THEM4: variants seen among roughly 807,000 people sequenced by gnomAD.
The protein encoded by THEM4 is thioesterase superfamily member 4.
THEM4 carries 22 observed loss-of-function variants against 25.0 expected under a neutral mutation model. That is an observed-to-expected ratio of 0.88 (90% CI 0.63 to 1.26). The LOEUF (loss-of-function observed/expected upper bound fraction) is 1.26, where lower values mean the gene tolerates loss of function less well. Among genes scored for constraint, THEM4 ranks in the 50% most tolerant of loss-of-function variants. The pLI, the probability that THEM4 is intolerant of heterozygous loss-of-function variation, is 0.00. For synonymous variants in THEM4, 113 were observed against 105.6 expected (o/e 1.07, Z -0.43); for missense variants, 286 against 300.3 (o/e 0.95, Z 0.35).
intron 4 of THEM4, among the ~76,000 whole-genome samples, chr1:151,882,298 C>A (rs568253072): frequency 1.3e-5 from 2 of 149,324 alleles, no homozygotes; most frequent in African/African-American, 5.0e-5. Flanking sequence ...ATCGCTTGAA[C>A]GCAGGAGGCG....
chr1:151,884,270 T>C (rs1387733532), intron 4 of THEM4, among the ~76,000 whole-genome samples: 1 of 152,148 alleles, frequency 6.6e-6, no homozygotes, highest in Admixed American at 6.5e-5. Context: ...GCCTAGGGAT[T>C]GTCATTTTCC....
rs1326398301 is a variant in THEM4 at position 151,871,117 on chromosome 1, G to A, written c.*3771C>T. Among the ~76,000 whole-genome samples the A allele has an allele frequency of 6.6e-6, 1 of 152,074 alleles. No individual in the cohort carries two copies. Among genetic ancestry groups the A allele is most frequent in the Non-Finnish European group, 1.5e-5 (1 of 68,018 alleles). On this transcript the variant is annotated 3_prime_UTR_variant, in exon 6 of 6. Coordinates refer to ENST00000368814, the MANE Select transcript of THEM4 (RefSeq NM_053055.5). ...AGGTGGGCAGATCACTTGAGCCCAG[G>A]AGTTTGAGACCAGACTGGGCAACAT...
chr1:151,909,425 G>A lies in THEM4; in HGVS notation c.34C>T (p.Leu12=), dbSNP rs753653263. 1.1e-4 allele frequency: 162 copies of A among 1,472,110 alleles called. No homozygotes were observed. Among genetic ancestry groups the A allele is most frequent in the Non-Finnish European group, 1.4e-4 (157 of 1,120,044 alleles). The allele number at this position is 1,472,110 out of a possible 1,614,324, so 91.2% of individuals were successfully genotyped here. ...ACTGGCGGCAGGCACAGAGCCCCCA[G>A]CGTGCGGAGGCGCGCGGCGCAGCTC... The part of the protein sequence containing the change: ...LRSCAARLRT[L]GALCLPPVGR... Residue 12 remains leucine (L), a synonymous_variant, in exon 1 of 6, where the codon CTG becomes TTG. Transcript: ENST00000368814.
chr1:151,896,387 C>A (rs1229988444), intron 1 of THEM4, among the ~76,000 whole-genome samples: 1 of 152,166 alleles, frequency 6.6e-6, no homozygotes, highest in Non-Finnish European at 1.5e-5. Flanking sequence ...AATTAAACTT[C>A]TTTTCTTTAT....
intron 4 of THEM4, among the ~76,000 whole-genome samples, chr1:151,879,248 G>A (rs894177173): frequency 1.1e-4 from 16 of 152,068 alleles, no homozygotes; most frequent in African/African-American, 3.6e-4. Flanking sequence ...ACTCTGAAAC[G>A]AGACTGGGTC....
At chr1:151,885,509 CTTA>C (rs1318137799) in intron 4 of THEM4, among the ~76,000 whole-genome samples, 2 of 152,182 alleles carry the variant, frequency 1.3e-5, no homozygotes. Context: ...AGGTCTAAAT[CTTA>C]TTTATTGTTT....
chr1:151,872,991 C>CT lies in THEM4; in HGVS notation c.*1896dup, dbSNP rs1425018329. On this transcript the variant is annotated 3_prime_UTR_variant, in exon 6 of 6. Coordinates refer to ENST00000368814, the MANE Select transcript of THEM4 (RefSeq NM_053055.5). Reference sequence around the variant, plus strand: ...CTTGTGGTTGAGATGAGGAAGGCCTCTGTCTCCTGCATGCCCCTGGGAACA... The same window carrying CT: ...CTTGTGGTTGAGATGAGGAAGGCCTCTTGTCTCCTGCATGCCCCTGGGAACA... 6.6e-6 allele frequency among the ~76,000 whole-genome samples: 1 copy of CT among 152,118 alleles called. No individual in the cohort carries two copies.
chr1:151,891,186 AG>A (rs1160500762), intron 2 of THEM4: 5 of 152,226 alleles, frequency 3.3e-5, no homozygotes, highest in Non-Finnish European at 7.3e-5. Flanking sequence ...CAAGATTCCT[AG>A]GTGCTTCATA....
chr1:151,877,339 G>C (rs1653707180), intron 4 of THEM4, among the ~76,000 whole-genome samples: 1 of 152,118 alleles, frequency 6.6e-6, no homozygotes, highest in Non-Finnish European at 1.5e-5. Flanking sequence ...GGTGGCTCCT[G>C]GGCTACAGTC....
chr1:151,889,449 C>T, intron 2 of THEM4, 76 bp from the exon 3 acceptor site: 1 of 1,447,098 alleles, frequency 6.9e-7, no homozygotes, highest in African/African-American at 1.4e-5. Context: ...GCACCTGTAC[C>T]CTGCTAGAAT....
At chr1:151,900,841 T>C (rs761790270) in intron 1 of THEM4, among the ~76,000 whole-genome samples, 5 of 152,218 alleles carry the variant, frequency 3.3e-5, no homozygotes, top group African/African-American at 4.8e-5. Context: ...CACTGTGACA[T>C]ATTCGTGATG....
chr1:151,895,694 A>AC (rs1243034609), intron 1 of THEM4, among the ~76,000 whole-genome samples: 7 of 151,626 alleles, frequency 4.6e-5, no homozygotes, highest in African/African-American at 7.3e-5. Context: ...AAAAAAAAAA[A>AC]AACACTGGAA....
rs1382817874 is a variant in THEM4, at chr1:151,871,837, G to C, written c.*3051C>G. 6.6e-6 allele frequency among the ~76,000 whole-genome samples: 1 copy of C among 152,226 alleles called. No individual in the cohort carries two copies. Among genetic ancestry groups the C allele is most frequent in the Non-Finnish European group, 1.5e-5 (1 of 68,036 alleles). ...CCATAGCAGTTCTGCAAGCCTGCCA[G>C]AGAAATCTAACGATGAGAGTACAGT... On this transcript the variant is annotated 3_prime_UTR_variant, in exon 6 of 6. Coordinates refer to ENST00000368814, the MANE Select transcript of THEM4 (RefSeq NM_053055.5).
intron 1 of THEM4, among the ~76,000 whole-genome samples, chr1:151,901,814 G>C (rs1042844771): frequency 4.6e-5 from 7 of 152,146 alleles, no homozygotes; most frequent in East Asian, 3.8e-4. Context: ...CTGCACTCCA[G>C]CCTGGGCAAC....
intron 4 of THEM4, among the ~76,000 whole-genome samples, chr1:151,881,538 A>T (rs1478134732): frequency 6.6e-6 from 1 of 152,202 alleles, no homozygotes; most frequent in Non-Finnish European, 1.5e-5. Flanking sequence ...TGTTTGAATG[A>T]CAGCACCTTC....
At chr1:151,898,527 A>C (rs1057442270) in intron 1 of THEM4, among the ~76,000 whole-genome samples, 2 of 152,216 alleles carry the variant, frequency 1.3e-5, no homozygotes, top group African/African-American at 4.8e-5. Flanking sequence ...GACAAAGGGC[A>C]TATAATCTTG....
At chr1:151,889,965 G>GGCGTGATCTCA (rs1325511198) in intron 2 of THEM4, 2 of 176,958 alleles carry the variant, frequency 1.1e-5, no homozygotes, top group Non-Finnish European at 2.4e-5. Context: ...GTAGTGCAAT[G>GGCGTGATCTCA]GCGTGATCTC....
chr1:151,902,027 T>C (rs563080399), intron 1 of THEM4, among the ~76,000 whole-genome samples: 1 of 152,282 alleles, frequency 6.6e-6, no homozygotes, highest in Non-Finnish European at 1.5e-5. Context: ...TAGCCCTAAA[T>C]GCCTACCTCA....
chr1:151,889,068 A>G (rs527948132), intron 3 of THEM4, 146 bp downstream of exon 3: 2 of 477,004 alleles, frequency 4.2e-6, no homozygotes, highest in South Asian at 1.2e-4. Flanking sequence ...GTCCTTTAAT[A>G]ATGTATTATA....
Sources: allele counts gnomAD v4.1 joint callset (sites outside exome capture counted in the v4.1 genomes callset), GRCh38; gene constraint gnomAD v4.1.1; transcripts MANE v1.5; gene names NCBI Gene and HGNC (gene_info 2026-07-23, HGNC 2026-07-21).